The following TFCP2L1 variants were observed in gnomAD, a reference collection of about 807,000 sequenced individuals.
TFCP2L1 encodes transcription factor CP2 like 1, also known as transcription factor CP2-like protein 1.
A neutral mutation model predicts 72.2 loss-of-function variants in TFCP2L1; 12 were observed. The observed-to-expected ratio is 0.17, with a 90% CI of 0.11 to 0.27. TFCP2L1 has a LOEUF of 0.27. Ranked by LOEUF, TFCP2L1 falls within the 10% of genes least tolerant of loss-of-function variation. The pLI, the probability that TFCP2L1 is intolerant of heterozygous loss-of-function variation, is 1.00. For missense variants in TFCP2L1, 488 were observed against 624.6 expected, an observed-to-expected ratio of 0.78 and a Z score of 2.33; for synonymous variants, 260 against 251.0, an observed-to-expected ratio of 1.04 and a Z score of -0.34.
rs765618311 is a variant in TFCP2L1 at position 121,242,352 on chromosome 2, G to A, written c.768+7C>T. On this transcript the variant is annotated splice_region_variant and intron_variant, in intron 7 of 14. Transcript: ENST00000263707. The stretch of plus-strand genomic sequence containing the variant: ...GGAGGCTCTGTCCCCGCACCCAGCC[G>A]GCTCACCTCTGTGAGGATGGTGGTT... 3.7e-6 allele frequency: 6 copies of A among 1,613,214 alleles called. No homozygotes were observed. The Admixed American group carries it at 5.0e-5, about 13-fold the overall frequency.
At chr2:121,254,271 G>T (rs372006735) in intron 2 of TFCP2L1, among the ~76,000 whole-genome samples, 2 of 152,104 alleles carry the variant, frequency 1.3e-5, no homozygotes, top group East Asian at 1.9e-4. Flanking sequence ...GCCCTCAAAG[G>T]GTTGACAATC....
intron 4 of TFCP2L1, 103 bp downstream of exon 4, chr2:121,248,874 GCAAGC>G: frequency 1.2e-6 from 1 of 825,734 alleles, no homozygotes; most frequent in South Asian, 2.0e-5. Context: ...CAGAGCAGGT[GCAAGC>G]TAAAACGCCT....
chr2:121,269,918 A>AAAAAAAAAAAAAAAAAAAAAAAATATAT, intron 2 of TFCP2L1, among the ~76,000 whole-genome samples: 3 of 115,178 alleles, frequency 2.6e-5, no homozygotes, highest in South Asian at 3.1e-4. Flanking sequence ...AAAAAAAAAA[A>AAAAAAAAAAAAAAAAAAAAAAAATATAT]ATATATATAT....
chr2:121,242,510 A>G lies in TFCP2L1; in HGVS notation c.658-41T>C, dbSNP rs780179018. On this transcript the variant is annotated intron_variant, in intron 6 of 14. Coordinates refer to ENST00000263707, the MANE Select transcript of TFCP2L1 (RefSeq NM_014553.3). ...AGAGTCCAATCAGCCCAAAACCAACACAGGCAGCAGCCCCCAAGCCCTCTC... is the reference window on the plus strand; with the variant it reads ...AGAGTCCAATCAGCCCAAAACCAACGCAGGCAGCAGCCCCCAAGCCCTCTC... The G allele has an allele frequency of 5.6e-5, 89 of 1,589,372 alleles. No homozygotes were observed. In the East Asian group the frequency reaches 2.0e-3, roughly 36 times the overall value.
At chr2:121,277,893 C>G (rs1687177242) in intron 2 of TFCP2L1, among the ~76,000 whole-genome samples, 1 of 152,030 alleles carries the variant, frequency 6.6e-6, no homozygotes, top group Non-Finnish European at 1.5e-5. Flanking sequence ...TAATTGTCTT[C>G]CTTTTGCTTT....
intron 2 of TFCP2L1, among the ~76,000 whole-genome samples, chr2:121,275,459 A>G (rs1301702975): frequency 6.6e-6 from 1 of 151,602 alleles, no homozygotes; most frequent in African/African-American, 2.4e-5. Flanking sequence ...TACTTTTAAT[A>G]ATAATGGAAA....
chr2:121,283,941 A>C (rs1324626491), intron 1 of TFCP2L1, among the ~76,000 whole-genome samples: 1 of 152,200 alleles, frequency 6.6e-6, no homozygotes, highest in Non-Finnish European at 1.5e-5. Flanking sequence ...GACCTTTGCC[A>C]TCTCCGACTA....
At chr2:121,284,194 A>C (rs72963351) in intron 1 of TFCP2L1, among the ~76,000 whole-genome samples, 1 of 152,182 alleles carries the variant, frequency 6.6e-6, no homozygotes, top group Non-Finnish European at 1.5e-5. Flanking sequence ...CCTTGAGCCC[A>C]TATCAAATGC....
At chr2:121,251,791 C>T (rs895570386) in intron 2 of TFCP2L1, among the ~76,000 whole-genome samples, 2 of 152,152 alleles carry the variant, frequency 1.3e-5, no homozygotes, top group Non-Finnish European at 2.9e-5. Context: ...ATGATAAATA[C>T]AATTCTCATT....
At chr2:121,245,105 T>C (rs1419156154) in intron 6 of TFCP2L1, among the ~76,000 whole-genome samples, 1 of 152,206 alleles carries the variant, frequency 6.6e-6, no homozygotes, top group Non-Finnish European at 1.5e-5. Flanking sequence ...AGGAAGACTA[T>C]CTGGGATTAA....
intron 11 of TFCP2L1, among the ~76,000 whole-genome samples, chr2:121,234,890 C>T (rs1053262690): frequency 3.3e-5 from 5 of 152,170 alleles, no homozygotes; most frequent in East Asian, 1.9e-4. Context: ...GGAGCAGCTC[C>T]GAGCCCAGGA....
intron 6 of TFCP2L1, among the ~76,000 whole-genome samples, chr2:121,244,781 G>A (rs1421355081): frequency 6.6e-6 from 1 of 152,176 alleles, no homozygotes; most frequent in Non-Finnish European, 1.5e-5. Context: ...GCTGCCTGAC[G>A]GGGGCCAAGG....
At chr2:121,262,432 C>T (rs774165749) in intron 2 of TFCP2L1, among the ~76,000 whole-genome samples, 10 of 152,006 alleles carry the variant, frequency 6.6e-5, no homozygotes, top group Non-Finnish European at 1.2e-4. Context: ...CCACTGCACT[C>T]CAGCCTGGGT....
chr2:121,226,709 C>A (rs1264585524), intron 13 of TFCP2L1, among the ~76,000 whole-genome samples: 5 of 152,138 alleles, frequency 3.3e-5, no homozygotes, highest in African/African-American at 1.2e-4. Context: ...CTTCCTGTCT[C>A]CATGGCCCTA....
chr2:121,240,682 G>T lies in TFCP2L1; in HGVS notation c.769-1033C>A, dbSNP rs943589043. The T allele has an allele frequency of 1.6e-5, 16 of 985,296 alleles. No homozygotes were observed. In the African/African-American group the frequency reaches 2.6e-4, roughly 16 times the overall value. The allele number at this position is 985,296 out of a possible 1,614,324, so 61.0% of individuals were successfully genotyped here. ...GGGCAGTCAGCAGAGGAGCAGAGAG[G>T]TTGAGGCTGTTAGGGAGAGAATGGT... On this transcript the variant is annotated intron_variant, in intron 7 of 14. Coordinates refer to ENST00000263707, the MANE Select transcript of TFCP2L1 (RefSeq NM_014553.3).
chr2:121,284,616 C>T (rs1687328329), intron 1 of TFCP2L1, among the ~76,000 whole-genome samples: 1 of 152,190 alleles, frequency 6.6e-6, no homozygotes, highest in South Asian at 2.1e-4. Context: ...GGAGAGGGGC[C>T]CCGGCGGAGA....
At chr2:121,284,864 G>T (rs1380974850) in intron 1 of TFCP2L1, among the ~76,000 whole-genome samples, 184 bp downstream of exon 1, 1 of 152,128 alleles carries the variant, frequency 6.6e-6, no homozygotes, top group Non-Finnish European at 1.5e-5. Flanking sequence ...CGCACGTCGG[G>T]TCCCGCCGGC....
At chr2:121,232,044 A>G in intron 12 of TFCP2L1, 76 bp from the exon 13 acceptor site, 1 of 1,495,832 alleles carries the variant, frequency 6.7e-7, no homozygotes, top group Non-Finnish European at 9.0e-7. Flanking sequence ...GCCCTGAGAA[A>G]GCAGTAAGTC....
Position 121,267,351 on chromosome 2 carries a change from A to G in TFCP2L1, c.214+13769T>C, listed in dbSNP as rs184892688. Reference sequence around the variant, plus strand: ...TAAGCATGAACCACCACATCCAGCAATGTGATTATTAAGAACATATTATTC... The same window carrying G: ...TAAGCATGAACCACCACATCCAGCAGTGTGATTATTAAGAACATATTATTC... On this transcript the variant is annotated intron_variant, in intron 2 of 14. Coordinates refer to ENST00000263707, the MANE Select transcript of TFCP2L1 (RefSeq NM_014553.3). 2.6e-5 allele frequency among the ~76,000 whole-genome samples: 4 copies of G among 152,310 alleles called. No homozygotes were observed. In the East Asian group the frequency reaches 7.7e-4, roughly 29 times the overall value.
Sources: gnomAD v4.1 joint callset for allele counts (sites outside exome capture counted in the v4.1 genomes callset) on GRCh38, gnomAD v4.1.1 for gene constraint, MANE v1.5 for transcripts, NCBI Gene and HGNC (gene_info 2026-07-23, HGNC 2026-07-21) for gene names.